Variants in COL23A1 observed in about 807,000 individuals in gnomAD.
The protein encoded by COL23A1 is collagen alpha-1(XXIII) chain.
COL23A1 carries 97 observed loss-of-function variants against 99.3 expected under a neutral mutation model. That is an observed-to-expected ratio of 0.98 (90% CI 0.83 to 1.16). The LOEUF (loss-of-function observed/expected upper bound fraction) is 1.16, where lower values mean the gene tolerates loss of function less well. COL23A1 is among the 50% of genes most tolerant of loss of function. The pLI, the probability that COL23A1 is intolerant of heterozygous loss-of-function variation, is 0.00. For synonymous variants in COL23A1, 320 were observed against 308.2 expected (o/e 1.04, Z -0.40); for missense variants, 762 against 757.4 (o/e 1.01, Z -0.07).
At chr5:178,371,277 T>C (rs1293998687) in intron 2 of COL23A1, among the ~76,000 whole-genome samples, 2 of 152,172 alleles carry the variant, frequency 1.3e-5, no homozygotes, top group African/African-American at 4.8e-5. Context: ...CTATCCTACA[T>C]GGGTTCGACC....
At chr5:178,562,169 G>T (rs894285306) in intron 1 of COL23A1, 5 of 480,756 alleles carry the variant, frequency 1.0e-5, no homozygotes. Flanking sequence ...TTTAACGCGA[G>T]AGGCGGAGGT....
intron 2 of COL23A1, among the ~76,000 whole-genome samples, chr5:178,500,310 G>A (rs903870825): frequency 6.0e-5 from 9 of 150,880 alleles, no homozygotes; most frequent in Middle Eastern, 3.2e-3. Context: ...AATTGAGGCT[G>A]AGTGTGGTAG....
intron 2 of COL23A1, among the ~76,000 whole-genome samples, chr5:178,419,268 C>T (rs566678843): frequency 7.9e-5 from 12 of 152,300 alleles, no homozygotes; most frequent in South Asian, 4.1e-4. Context: ...ACTCTGTTCT[C>T]GTCAAGGTTG....
At chr5:178,303,516 C>T (rs866201078) in intron 3 of COL23A1, among the ~76,000 whole-genome samples, 8 of 152,168 alleles carry the variant, frequency 5.3e-5, no homozygotes, top group Admixed American at 1.3e-4. Context: ...GTCCTCATTC[C>T]GCCATTCCAG....
At position 178,246,445 on chromosome 5, in the gene COL23A1, A is replaced by T; in HGVS notation, c.1305T>A (p.Asp435Glu). ...LQGIQGPKGLDGAKGEKGASG... is the reference protein window; with the variant it reads ...LQGIQGPKGLEGAKGEKGASG... ...ACGCACCCTTCTCTCCCTTTGCTCC[A>T]TCCAAGCCCTGGAGGCAAAGGAGGG... The change falls in exon 23 of 29, where the codon GAT becomes GAA. Residue 435 changes from aspartate (D) to glutamate (E), a missense_variant. Coordinates refer to ENST00000390654, the MANE Select transcript of COL23A1 (RefSeq NM_173465.4). The T allele has an allele frequency of 6.4e-7, 1 of 1,570,156 alleles. No homozygotes were observed.
At chr5:178,524,479 G>C (rs1297299317) in intron 2 of COL23A1, among the ~76,000 whole-genome samples, 1 of 152,230 alleles carries the variant, frequency 6.6e-6, no homozygotes, top group Admixed American at 6.5e-5. Context: ...TTTACCCAAA[G>C]GGAAATCAGG....
At chr5:178,282,287 A>AGAAG (rs79476569) in intron 5 of COL23A1, among the ~76,000 whole-genome samples, 641 of 152,350 alleles carry the variant, frequency 4.2e-3, no homozygotes, top group Non-Finnish European at 7.0e-3. Context: ...AGTTTAAGTT[A>AGAAG]GACTTAGTTT....
At chr5:178,505,018 G>A (rs1347709239) in intron 2 of COL23A1, among the ~76,000 whole-genome samples, 1 of 152,120 alleles carries the variant, frequency 6.6e-6, no homozygotes, top group African/African-American at 2.4e-5. Flanking sequence ...TCCACAGACC[G>A]GTTTAAAGCA....
chr5:178,246,065 G>C (rs1369578532), intron 24 of COL23A1, 97 bp from the exon 25 acceptor site: 3 of 1,446,262 alleles, frequency 2.1e-6, no homozygotes, highest in African/African-American at 2.8e-5. Flanking sequence ...CACAGACATG[G>C]GGGCAAGGAG....
At chr5:178,245,064 T>A (rs1167922125) in intron 25 of COL23A1, among the ~76,000 whole-genome samples, 3 of 129,762 alleles carry the variant, frequency 2.3e-5, no homozygotes, top group Admixed American at 1.5e-4. Flanking sequence ...CATCCATCCA[T>A]CCACTCATCA....
At chr5:178,490,649 C>T (rs1161181330) in intron 2 of COL23A1, among the ~76,000 whole-genome samples, 1 of 151,958 alleles carries the variant, frequency 6.6e-6, no homozygotes, top group African/African-American at 2.4e-5. Flanking sequence ...TGGTGGTGTG[C>T]ACCTGAAGTC....
intron 2 of COL23A1, among the ~76,000 whole-genome samples, chr5:178,465,035 G>A (rs1756337547): frequency 6.6e-6 from 1 of 152,200 alleles, no homozygotes; most frequent in Admixed American, 6.5e-5. Context: ...GTAGCTTTGA[G>A]TAGGGCCCTA....
At chr5:178,355,527 AAG>A (rs1295681916) in intron 2 of COL23A1, among the ~76,000 whole-genome samples, 1 of 152,192 alleles carries the variant, frequency 6.6e-6, no homozygotes, top group African/African-American at 2.4e-5. Flanking sequence ...TTATAAAGAA[AAG>A]AGGTTTGTTT....
intron 1 of COL23A1, among the ~76,000 whole-genome samples, chr5:178,570,225 A>C: frequency 6.7e-6 from 1 of 149,120 alleles, no homozygotes; most frequent in African/African-American, 2.5e-5. Context: ...TCATCCTCCC[A>C]CCTCAGCCTC....
At chr5:178,403,837 A>C (rs1384664344) in intron 2 of COL23A1, among the ~76,000 whole-genome samples, 1 of 152,266 alleles carries the variant, frequency 6.6e-6, no homozygotes, top group Admixed American at 6.5e-5. Context: ...TGAAGTGTTG[A>C]TCTGAAGGCG....
intron 1 of COL23A1, among the ~76,000 whole-genome samples, chr5:178,587,928 C>T (rs765086463): frequency 2.6e-5 from 4 of 152,162 alleles, no homozygotes; most frequent in Admixed American, 2.0e-4. Flanking sequence ...GAAGTTCAGC[C>T]CCAACTGCAT....
At chr5:178,388,988 G>A (rs1763814659) in intron 2 of COL23A1, among the ~76,000 whole-genome samples, 1 of 152,268 alleles carries the variant, frequency 6.6e-6, no homozygotes, top group East Asian at 1.9e-4. Flanking sequence ...CATGAGTCAG[G>A]TGCTCCAGGG....
chr5:178,498,196 C>A (rs1288271344), intron 2 of COL23A1, among the ~76,000 whole-genome samples: 1 of 99,680 alleles, frequency 1.0e-5, no homozygotes, highest in African/African-American at 3.6e-5. Flanking sequence ...GAGACCCTGT[C>A]TTTATTTAAA....
intron 8 of COL23A1, among the ~76,000 whole-genome samples, 174 bp from the exon 9 acceptor site, chr5:178,263,498 A>G (rs1443920403): frequency 6.6e-6 from 1 of 152,170 alleles, no homozygotes; most frequent in Non-Finnish European, 1.5e-5. Flanking sequence ...GCATGAAGGA[A>G]CAGGTCCCCA....
Sources: gnomAD v4.1 joint callset for allele counts (sites outside exome capture counted in the v4.1 genomes callset) on GRCh38, gnomAD v4.1.1 for gene constraint, MANE v1.5 for transcripts, NCBI Gene and HGNC (gene_info 2026-07-23, HGNC 2026-07-21) for gene names.